The following RHBDF1 variants were observed in gnomAD, a reference collection of about 807,000 sequenced individuals.
RHBDF1 encodes the protein inactive rhomboid protein 1.
Under a neutral mutation model 98.6 loss-of-function variants are expected in RHBDF1, and 80 were observed. The ratio of observed to expected loss-of-function variants is 0.81; its 90% CI spans 0.68 to 0.98. The LOEUF is 0.98. Ranked by LOEUF, RHBDF1 falls within the 50% of genes least tolerant of loss-of-function variation. The probability of loss-of-function intolerance (pLI) is 0.00; values close to 1 mark genes in which losing one functional copy is unlikely to be tolerated. For missense variants in RHBDF1, 1,116 were observed against 1,198.3 expected (o/e 0.93, Z 1.01); for synonymous variants, 512 against 486.8 (o/e 1.05, Z -0.68).
chr16:60,166 CT>C, intron 13 of RHBDF1, 49 bp downstream of exon 13: 1 of 1,612,344 alleles, frequency 6.2e-7, no homozygotes, highest in East Asian at 2.2e-5. Flanking sequence ...GTGGCATTCT[CT>C]CCCACATGAC....
intron 1 of RHBDF1, among the ~76,000 whole-genome samples, chr16:67,219 A>G (rs1897852846): frequency 6.6e-6 from 1 of 152,194 alleles, no homozygotes. Flanking sequence ...GGCTTCCGGA[A>G]CCCACAGTGC....
chr16:62,907 G>T lies in RHBDF1; in HGVS notation c.673-10C>A. On this transcript the variant is annotated splice_polypyrimidine_tract_variant and intron_variant, in intron 5 of 17. Coordinates refer to ENST00000262316, the MANE Select transcript of RHBDF1 (RefSeq NM_022450.5). ...CCCTAACGGAGCGGCCCTGGGGACG[G>T]GGAAGTGAGCATGAGACCCGGCTGC... 6.2e-7 allele frequency: 1 copy of T among 1,613,536 alleles called. No homozygotes were observed. Among genetic ancestry groups the T allele is most frequent in the South Asian group, 1.1e-5 (1 of 91,086 alleles).
chr16:58,809 CT>C (rs1321505666), intron 17 of RHBDF1, 50 bp from the exon 18 acceptor site: 1 of 1,585,092 alleles, frequency 6.3e-7, no homozygotes, highest in Non-Finnish European at 8.6e-7. Flanking sequence ...GGCAGGCCCC[CT>C]GGACCCAAGG....
rs771570005 is a variant in RHBDF1 at position 61,378 on chromosome 16, T to A, written c.1395+7A>T. 2 of 1,597,660 alleles carry A rather than the reference T, an allele frequency of 1.3e-6. No homozygotes were observed. The highest frequency in any genetic ancestry group is 1.7e-6 in the Non-Finnish European group (2 of 1,172,318). On this transcript the variant is annotated splice_region_variant and intron_variant, in intron 10 of 17. Coordinates refer to ENST00000262316, the MANE Select transcript of RHBDF1 (RefSeq NM_022450.5). ...CCCGCCGGCCCCGCCCCCAGCCCCG[T>A]CCTCACCGAGCTGGGCCCGATCCAG... is the stretch of plus-strand genomic sequence containing the variant.
chr16:70,874 G>T (rs1408562605), intron 1 of RHBDF1, among the ~76,000 whole-genome samples: 1 of 152,198 alleles, frequency 6.6e-6, no homozygotes, highest in Admixed American at 6.5e-5. Flanking sequence ...GGGCATCTCA[G>T]TTGAAGAAGG....
chr16:63,641 G>C lies in RHBDF1; in HGVS notation c.408C>G (p.Ser136Arg), dbSNP rs749635788. The change falls in exon 4 of 18, where the codon AGC becomes AGG. Residue 136 changes from serine to arginine, a missense_variant. Transcript: ENST00000262316. ...CGTAGAGTGGGGGTGGCGTCTCGGT[G>C]CTGGTCAGCGACACGTTGTCCTGGC... ...LPSQDNVSLT[S>R]TETPPPLYVG... The C allele has an allele frequency of 6.9e-6, 11 of 1,603,148 alleles. No homozygotes were observed. In the African/African-American group the frequency reaches 1.5e-4, roughly 21 times the overall value.
At chr16:75,219 C>A (rs548208212), upstream of RHBDF1, among the ~76,000 whole-genome samples, 3 of 152,302 alleles carry the variant, frequency 2.0e-5, no homozygotes, top group Admixed American at 1.3e-4. Flanking sequence ...ACTCCCGGGG[C>A]TGGTGGGCAG....
chr16:60,939 C>G, intron 11 of RHBDF1, 181 bp downstream of exon 11: 1 of 646,434 alleles, frequency 1.5e-6, no homozygotes. Flanking sequence ...GTCTACGGGG[C>G]GAGGAGCTGG....
intron 1 of RHBDF1, among the ~76,000 whole-genome samples, chr16:68,684 G>A (rs376736164): frequency 9.2e-5 from 14 of 152,244 alleles, no homozygotes; most frequent in South Asian, 4.1e-4. Context: ...CAGGACTCTC[G>A]ATGAGGCTGA....
chr16:62,372 C>A (rs1012358264), intron 7 of RHBDF1, among the ~76,000 whole-genome samples, 166 bp downstream of exon 7: 1 of 152,196 alleles, frequency 6.6e-6, no homozygotes. Flanking sequence ...TGGGGCCATG[C>A]CCAGCTCTGC....
chr16:61,961 C>T lies in RHBDF1; in HGVS notation c.1045G>A (p.Gly349Arg), dbSNP rs762641834. Residue 349 changes from glycine to arginine, a missense_variant, in exon 8 of 18, where the codon GGG (glycine) becomes AGG (arginine). By Grantham distance (125) the Gly-to-Arg change is moderately radical (BLOSUM62 -2). Coordinates refer to ENST00000262316, the MANE Select transcript of RHBDF1 (RefSeq NM_022450.5). ...RLRQEVVSTAGPRRGQRIAVP... is the reference protein window; with the variant it reads ...RLRQEVVSTARPRRGQRIAVP... ...GCGATACGCTGGCCCCGTCGCGGCC[C>T]CGCGGTGCTCACCACCTCCTGTCGG... The T allele has an allele frequency of 1.4e-5, 22 of 1,593,066 alleles. No individual in the cohort carries two copies. The highest frequency in any genetic ancestry group is 2.2e-4 in the Middle Eastern group (1 of 4,562).
intron 1 of RHBDF1, among the ~76,000 whole-genome samples, chr16:67,635 T>C (rs1052651422): frequency 2.6e-5 from 4 of 152,196 alleles, no homozygotes; most frequent in Non-Finnish European, 5.9e-5. Context: ...GCTGCCCTAC[T>C]ACCCAAAGGC....
At chr16:69,200 C>A (rs926631222) in intron 1 of RHBDF1, among the ~76,000 whole-genome samples, 1 of 152,152 alleles carries the variant, frequency 6.6e-6, no homozygotes, top group African/African-American at 2.4e-5. Flanking sequence ...TAGAGAGAAG[C>A]TCTGGCCAGT....
At chr16:69,668 C>G (rs558867969) in intron 1 of RHBDF1, among the ~76,000 whole-genome samples, 2 of 152,278 alleles carry the variant, frequency 1.3e-5, no homozygotes, top group East Asian at 3.9e-4. Flanking sequence ...GCCTCTCTGC[C>G]TTGTCTATTA....
At chr16:64,605 G>C in intron 3 of RHBDF1, 94 bp downstream of exon 3, 1 of 1,542,516 alleles carries the variant, frequency 6.5e-7, no homozygotes, top group South Asian at 1.3e-5. Context: ...TGAAACAAGA[G>C]GGCCCTTGTT....
upstream of RHBDF1, among the ~76,000 whole-genome samples, chr16:75,970 C>G (rs1189518601): frequency 1.3e-5 from 2 of 152,186 alleles, no homozygotes; most frequent in East Asian, 3.8e-4. Context: ...CCAATACAGC[C>G]ACATCTCTCA....
At chr16:68,438 C>A (rs190312926) in intron 1 of RHBDF1, among the ~76,000 whole-genome samples, 1 of 152,228 alleles carries the variant, frequency 6.6e-6, no homozygotes, top group African/African-American at 2.4e-5. Context: ...CTTCCCCAGG[C>A]GCACAGTGGG....
intron 7 of RHBDF1, 98 bp from the exon 8 acceptor site, chr16:62,150 T>A: frequency 7.1e-7 from 1 of 1,412,758 alleles, no homozygotes; most frequent in East Asian, 2.6e-5. Context: ...TCCTGGCGAA[T>A]ATACTGCGCA....
chr16:69,803 C>T (rs1897923517), intron 1 of RHBDF1, among the ~76,000 whole-genome samples: 1 of 152,172 alleles, frequency 6.6e-6, no homozygotes, highest in Non-Finnish European at 1.5e-5. Flanking sequence ...GCAGGGCAGG[C>T]CTGAGACCTT....
Sources: allele counts gnomAD v4.1 joint callset (sites outside exome capture counted in the v4.1 genomes callset), GRCh38; gene constraint gnomAD v4.1.1; transcripts MANE v1.5; gene names NCBI Gene and HGNC (gene_info 2026-07-23, HGNC 2026-07-21).